Variants in CSMD2 observed in about 807,000 individuals in gnomAD.
CSMD2 encodes CUB and Sushi multiple domains 2.
Under a neutral mutation model 398.5 loss-of-function variants are expected in CSMD2, and 130 were observed. The ratio of observed to expected loss-of-function variants is 0.33; its 90% CI spans 0.28 to 0.38. The LOEUF is 0.38. CSMD2 is among the 10% of genes least tolerant of loss of function. The pLI is 1.00. For synonymous variants in CSMD2, 1,828 were observed against 1,908.5 expected (o/e 0.96, Z 1.10); for missense variants, 3,829 against 4,764.9 (o/e 0.80, Z 5.78).
intron 1 of CSMD2, among the ~76,000 whole-genome samples, chr1:34,093,110 GA>G (rs1260902068): frequency 3.3e-5 from 5 of 152,110 alleles, no homozygotes; most frequent in Non-Finnish European, 5.9e-5. Context: ...CCTGACCCCC[GA>G]GCAGCCTAAC....
In CSMD2 at chr1:33,716,375, C is replaced by G. The variant is rs1458725977; in HGVS notation, c.3128G>C (p.Ser1043Thr). ...AGTGAAGTTGCCATAGAGCCCAGCG[C>G]TGATGGGAGCTGGCAGCCGAGATCC... is the stretch of plus-strand genomic sequence containing the variant. ...LTGSRLPAPISAGLYGNFTAQ... is the reference protein window; with the variant it reads ...LTGSRLPAPITAGLYGNFTAQ... Residue 1043 changes from serine (S) to threonine (T), a missense_variant, in exon 20 of 71, where the codon AGC becomes ACC. By Grantham distance (58) the Ser-to-Thr change is moderately conservative. Transcript: ENST00000373381. 1.2e-6 allele frequency: 2 copies of G among 1,614,140 alleles called. No individual in the cohort carries two copies. Among genetic ancestry groups the G allele is most frequent in the African/African-American group, 1.3e-5 (1 of 75,032 alleles).
chr1:33,675,727 G>A (rs1311375850), intron 25 of CSMD2, among the ~76,000 whole-genome samples: 9 of 152,214 alleles, frequency 5.9e-5, no homozygotes, highest in Middle Eastern at 3.4e-3. Flanking sequence ...CTGGCAAACC[G>A]AATCCAGCAG....
chr1:33,589,736 A>G (rs1014789128), intron 44 of CSMD2, among the ~76,000 whole-genome samples: 5 of 152,218 alleles, frequency 3.3e-5, no homozygotes, highest in African/African-American at 9.6e-5. Flanking sequence ...GACACATTAT[A>G]AAACTCTAGG....
chr1:33,791,632 C>G (rs150732241), intron 11 of CSMD2, among the ~76,000 whole-genome samples: 1 of 152,176 alleles, frequency 6.6e-6, no homozygotes. Context: ...ACTATACAGG[C>G]GTGCACCACC....
At chr1:34,160,121 C>T (rs1212254735) in intron 1 of CSMD2, among the ~76,000 whole-genome samples, 1 of 152,176 alleles carries the variant, frequency 6.6e-6, no homozygotes, top group Non-Finnish European at 1.5e-5. Context: ...GCTGCTGAAG[C>T]TGCCTGCTGG....
chr1:33,519,805 A>AC lies in CSMD2; in HGVS notation c.10736+6dup. 1 of 1,613,796 alleles carries AC rather than the reference A, an allele frequency of 6.2e-7. No individual in the cohort carries two copies. The highest frequency in any genetic ancestry group is 8.5e-7 in the Non-Finnish European group (1 of 1,179,910). On this transcript the variant is annotated splice_region_variant and intron_variant, in intron 69 of 70. Transcript: ENST00000373381. The surrounding 1 kb of genome is among the most constrained non-coding windows in gnomAD (Gnocchi z 5.6). ...GATGCCCGCCCTGCCTCCTTCCTGC[A>AC]CGGTACCTGTGCTTGTAGAGATAGA...
chr1:33,622,495 C>T (rs905052751), intron 36 of CSMD2, among the ~76,000 whole-genome samples: 1 of 152,176 alleles, frequency 6.6e-6, no homozygotes, highest in African/African-American at 2.4e-5. Flanking sequence ...GTAAGATGAG[C>T]AGTGGCAGAG....
chr1:33,979,884 A>G (rs1646102677), intron 3 of CSMD2, among the ~76,000 whole-genome samples: 1 of 152,142 alleles, frequency 6.6e-6, no homozygotes, highest in Non-Finnish European at 1.5e-5. Context: ...TTCAGTTTAG[A>G]GCAATGCCAG....
chr1:33,522,856 G>C (rs188209174), intron 67 of CSMD2, among the ~76,000 whole-genome samples: 35 of 152,340 alleles, frequency 2.3e-4, no homozygotes, highest in African/African-American at 8.4e-4. Flanking sequence ...GGGAATGCAA[G>C]AAAGTCCTAT....
intron 3 of CSMD2, among the ~76,000 whole-genome samples, chr1:33,988,597 T>C (rs1558208394): frequency 6.6e-6 from 1 of 152,236 alleles, no homozygotes; most frequent in Non-Finnish European, 1.5e-5. Flanking sequence ...TGTTGTCTCC[T>C]GTGGCTAAGC....
chr1:34,015,112 TAGG>T (rs1172144162), intron 3 of CSMD2, among the ~76,000 whole-genome samples: 6 of 152,332 alleles, frequency 3.9e-5, no homozygotes, highest in African/African-American at 7.2e-5. Flanking sequence ...ACAGAAGCTT[TAGG>T]AGAAGTGTCC....
At chr1:33,549,029 C>G (rs1657172886) in intron 56 of CSMD2, among the ~76,000 whole-genome samples, 2 of 152,182 alleles carry the variant, frequency 1.3e-5, no homozygotes, top group Non-Finnish European at 2.9e-5. Context: ...AGTGATGTGT[C>G]TGGGATTTCC....
intron 1 of CSMD2, among the ~76,000 whole-genome samples, chr1:34,148,647 A>G (rs2148546749): frequency 6.6e-6 from 1 of 152,338 alleles, no homozygotes; most frequent in African/African-American, 2.4e-5. Flanking sequence ...GGAGAGCTGC[A>G]TGCTCTGAGC....
intron 1 of CSMD2, among the ~76,000 whole-genome samples, chr1:34,156,425 C>T (rs1640811097): frequency 6.6e-6 from 1 of 152,224 alleles, no homozygotes; most frequent in Admixed American, 6.5e-5. Context: ...AAAATGTCTG[C>T]ACATTCTCTC....
intron 13 of CSMD2, among the ~76,000 whole-genome samples, chr1:33,746,139 G>C (rs1647349869): frequency 6.6e-6 from 1 of 152,328 alleles, no homozygotes; most frequent in Admixed American, 6.5e-5. Context: ...ATCTGCTGAA[G>C]ATTCATCTGT....
At chr1:33,842,910 A>G (rs978180384) in intron 6 of CSMD2, among the ~76,000 whole-genome samples, 1 of 152,190 alleles carries the variant, frequency 6.6e-6, no homozygotes, top group African/African-American at 2.4e-5. Context: ...TGGTAGTTTC[A>G]TGCTTTCTTG....
chr1:33,583,505 G>A (rs376690936), intron 47 of CSMD2, 137 bp downstream of exon 47: 6 of 834,432 alleles, frequency 7.2e-6, no homozygotes, highest in Non-Finnish European at 1.2e-5. Context: ...TGGCCTTGGG[G>A]TTGCTGTGGT....
At position 33,648,294 on chromosome 1, in the gene CSMD2, G is replaced by A. The variant is rs901345711; in HGVS notation, c.4587-1459C>T. The stretch of plus-strand genomic sequence containing the variant: ...GGAGAATGGCATGAACCCGGGAGGT[G>A]GAGTTTGCAGTCAGCAGAGATTGTG... On this transcript the variant is annotated intron_variant, in intron 28 of 70. Coordinates refer to ENST00000373381, the MANE Select transcript of CSMD2 (RefSeq NM_001281956.2). 2.0e-5 allele frequency among the ~76,000 whole-genome samples: 3 copies of A among 151,236 alleles called. No individual in the cohort carries two copies. In the Admixed American group the frequency reaches 2.0e-4, roughly 10 times the overall value.
chr1:33,748,892 A>C (rs944594609), intron 13 of CSMD2, among the ~76,000 whole-genome samples: 1 of 152,160 alleles, frequency 6.6e-6, no homozygotes, highest in Admixed American at 6.5e-5. Flanking sequence ...TTGACCTTAC[A>C]TTAGGCTATA....
Sources: gnomAD v4.1 joint callset for allele counts (sites outside exome capture counted in the v4.1 genomes callset) on GRCh38, gnomAD v4.1.1 for gene constraint, Gnocchi (gnomAD v3.1) non-coding constraint, MANE v1.5 for transcripts, NCBI Gene and HGNC (gene_info 2026-07-23, HGNC 2026-07-21) for gene names.